The following TCFL5 variants were observed in gnomAD, a reference collection of about 807,000 sequenced individuals.
The protein encoded by TCFL5 is transcription factor-like 5 protein.
TCFL5 carries 9 observed loss-of-function variants against 44.3 expected under a neutral mutation model. The observed-to-expected ratio is 0.20, with a 90% CI of 0.12 to 0.35. TCFL5 has a LOEUF of 0.35. TCFL5 is among the 10% of genes least tolerant of loss of function. The probability of loss-of-function intolerance (pLI) is 1.00; values close to 1 mark genes in which losing one functional copy is unlikely to be tolerated. For synonymous variants in TCFL5, 319 were observed against 271.6 expected (o/e 1.17, Z -1.72); for missense variants, 603 against 613.4 (o/e 0.98, Z 0.18).
chr20:62,861,274 G>A lies in TCFL5; in HGVS notation c.397C>T (p.Leu133=). ...HIDFQELRMM[L]LSEAGAAEKT... is the part of the protein sequence containing the mutation. The stretch of plus-strand genomic sequence containing the variant: ...TCCGCCGCGCCCGCCTCGCTTAGCA[G>A]CATCATGCGCAGCTCCTGGAAGTCG... The change falls in exon 1 of 6, where the codon CTG becomes TTG. Residue 133 remains leucine (L), a synonymous_variant. Coordinates refer to ENST00000335351, the MANE Select transcript of TCFL5 (RefSeq NM_006602.4). This position sits in a 1 kb window ranked among gnomAD's most constrained non-coding sequence, Gnocchi z 4.0. 3 of 1,216,102 alleles carry A rather than the reference G, an allele frequency of 2.5e-6. No individual in the cohort carries two copies. The highest frequency in any genetic ancestry group is 3.1e-6 in the Non-Finnish European group (3 of 958,686). The allele number at this position is 1,216,102 out of a possible 1,614,324, so 75.3% of individuals were successfully genotyped here.
At chr20:62,854,957 C>T (rs2063865283) in intron 4 of TCFL5, among the ~76,000 whole-genome samples, 1 of 152,168 alleles carries the variant, frequency 6.6e-6, no homozygotes, top group African/African-American at 2.4e-5. Flanking sequence ...TGAACTCTAA[C>T]CACAAGTCTA....
At chr20:62,845,016 C>T (rs1051100643) in intron 5 of TCFL5, 33 of 986,040 alleles carry the variant, frequency 3.3e-5, no homozygotes, top group Non-Finnish European at 3.6e-5. Context: ...TGGAACATTC[C>T]ACCCATCCAC....
In TCFL5 at chr20:62,841,456, G is replaced by C. The variant is rs1046784; in HGVS notation, c.*519C>G. The C allele has an allele frequency of 0.11, 17,634 of 154,692 alleles. 1,242 individuals are homozygous for C. The highest frequency in any genetic ancestry group is 0.19 in the African/African-American group (8,075 of 41,506). 9.6% of individuals were successfully genotyped at this position (154,692 alleles called of 1,614,324 possible). ...ATTTTTAGCACACAGGTTTAAAATGGTCCTGCACGTTGCAATACAGCAGCA... is the reference window on the plus strand; with the variant it reads ...ATTTTTAGCACACAGGTTTAAAATGCTCCTGCACGTTGCAATACAGCAGCA... On this transcript the variant is annotated 3_prime_UTR_variant, in exon 6 of 6. Coordinates refer to ENST00000335351, the MANE Select transcript of TCFL5 (RefSeq NM_006602.4).
intron 4 of TCFL5, among the ~76,000 whole-genome samples, chr20:62,856,994 A>G (rs754628736): frequency 6.6e-6 from 1 of 152,154 alleles, no homozygotes; most frequent in Non-Finnish European, 1.5e-5. Flanking sequence ...GTCTCTAGCG[A>G]GCTTTCCTGG....
intron 4 of TCFL5, among the ~76,000 whole-genome samples, chr20:62,857,137 C>T (rs1490788441): frequency 6.6e-6 from 1 of 152,198 alleles, no homozygotes; most frequent in African/African-American, 2.4e-5. Context: ...CTTTGCTGAT[C>T]GCACCTGGCA....
chr20:62,854,261 C>T, intron 4 of TCFL5, 104 bp from the exon 5 acceptor site: 2 of 1,432,894 alleles, frequency 1.4e-6, no homozygotes, highest in Non-Finnish European at 1.9e-6. Context: ...GCTCGTGCAT[C>T]CTGGCCACTG....
rs1459032732 is a variant in TCFL5 at position 62,857,632 on chromosome 20, G to A, written c.1001C>T (p.Ala334Val). The change falls in exon 4 of 6, where the codon GCG (alanine) becomes GTG (valine). Residue 334 changes from alanine (A) to valine (V), a missense_variant. Coordinates refer to ENST00000335351, the MANE Select transcript of TCFL5 (RefSeq NM_006602.4). ...EQVWIKVGEAALCKQALKRNR... is the reference protein window; with the variant it reads ...EQVWIKVGEAVLCKQALKRNR... ...CCTCTTCAGTGCTTGTTTGCATAGC[G>A]CTGCTTCTTTGCGAAAGAAGAAAAA... 4.3e-6 allele frequency: 7 copies of A among 1,609,210 alleles called. No individual in the cohort carries two copies. Among genetic ancestry groups the A allele is most frequent in the East Asian group, 4.5e-5 (2 of 44,836 alleles).
At chr20:62,857,959 G>A (rs1209273876) in intron 3 of TCFL5, among the ~76,000 whole-genome samples, 1 of 149,476 alleles carries the variant, frequency 6.7e-6, no homozygotes, top group Admixed American at 6.7e-5. Flanking sequence ...CAGAAAACAA[G>A]AAGTTGTTTA....
At position 62,857,566 on chromosome 20, in the gene TCFL5, C is replaced by T. The variant is rs2063914076; in HGVS notation, c.1067G>A (p.Arg356Gln). 2 of 1,614,120 alleles carry T rather than the reference C, an allele frequency of 1.2e-6. No homozygotes were observed. Among genetic ancestry groups the T allele is most frequent in the East Asian group, 2.2e-5 (1 of 44,902 alleles). Residue 356 changes from arginine to glutamine, a missense_variant, in exon 4 of 6, where the codon CGA (arginine) becomes CAA (glutamine). Around this residue, in one of 4 missense-constraint regions of TCFL5, gnomAD observed 540 missense variants for 478.7 expected, o/e 1.13. Coordinates refer to ENST00000335351, the MANE Select transcript of TCFL5 (RefSeq NM_006602.4). ...ATTCTGAATCTCTCCAAGGGCTCTT[C>T]GCTCTACATTTGTGTCCAACTGACG... ...RMRQLDTNVE[R>Q]RALGEIQNVG... is the part of the protein sequence containing the mutation.
Position 62,846,976 on chromosome 20 carries a change from G to C in TCFL5, c.1381-4879C>G, listed in dbSNP as rs142360912. Among the ~76,000 whole-genome samples the C allele has an allele frequency of 2.2e-4, 34 of 152,070 alleles. No homozygotes were observed. The East Asian group carries it at 6.4e-3, about 29-fold the overall frequency. The stretch of plus-strand genomic sequence containing the variant: ...GAGGTGGGTGGATCACCTGAGGTCG[G>C]GAGTTCACGACCAGCCTCACCAACA... On this transcript the variant is annotated intron_variant, in intron 5 of 5. Transcript: ENST00000335351.
At position 62,841,777 on chromosome 20, in the gene TCFL5, G is replaced by GA. The variant is rs1228810786; in HGVS notation, c.*197dup. The stretch of plus-strand genomic sequence containing the variant: ...GCTTCATCCCCAAATGGTCTAAGAG[G>GA]ACATTCATGGATAAGCATTTGCGTC... On this transcript the variant is annotated 3_prime_UTR_variant, in exon 6 of 6. Transcript: ENST00000335351. 3 of 500,640 alleles carry GA rather than the reference G, an allele frequency of 6.0e-6. No homozygotes were observed. Among genetic ancestry groups the GA allele is most frequent in the African/African-American group, 5.9e-5 (3 of 50,910 alleles). 31.0% of individuals were successfully genotyped at this position (500,640 alleles called of 1,614,324 possible). A position where few individuals can be genotyped will look rare whatever the true frequency, so the allele number is the denominator to read the frequency against.
chr20:62,851,559 G>C, intron 5 of TCFL5: 4 of 985,268 alleles, frequency 4.1e-6, no homozygotes, highest in Non-Finnish European at 4.8e-6. Flanking sequence ...TAATCTTCAA[G>C]AGTAACTGCA....
At chr20:62,859,213 G>T in intron 3 of TCFL5, 151 bp downstream of exon 3, 1 of 646,130 alleles carries the variant, frequency 1.5e-6, no homozygotes, top group African/African-American at 1.8e-5. Context: ...AGGGAAGCGG[G>T]TGGACAGACC....
rs867910244 is a variant in TCFL5, at chr20:62,844,575, G to T, written c.1381-2478C>A. Among the ~76,000 whole-genome samples the T allele has an allele frequency of 2.6e-3, 343 of 130,260 alleles. 1 individual carries two copies. The highest frequency in any genetic ancestry group is 6.6e-3 in the African/African-American group (170 of 25,568). 85.5% of individuals were successfully genotyped at this position (130,260 alleles called of 152,430 possible). A position where few individuals can be genotyped will look rare whatever the true frequency, so the allele number is the denominator to read the frequency against. ...ATTTTTTTTCTGTTTTTTTTTGTTT[G>T]TTTTTTGTTTTTTTTTTTTTGAGAC... On this transcript the variant is annotated intron_variant, in intron 5 of 5. Coordinates refer to ENST00000335351, the MANE Select transcript of TCFL5 (RefSeq NM_006602.4).
intron 2 of TCFL5, 101 bp downstream of exon 2, chr20:62,860,024 C>T: frequency 8.3e-7 from 1 of 1,205,970 alleles, no homozygotes; most frequent in Admixed American, 2.2e-5. Flanking sequence ...GGTTATTAAG[C>T]TCACTGAAGG....
chr20:62,845,832 GTGATTTA>G (rs760624639), intron 5 of TCFL5: 3 of 1,596,406 alleles, frequency 1.9e-6, no homozygotes, highest in Non-Finnish European at 2.6e-6. Flanking sequence ...CATTATAAAA[GTGATTTA>G]TGACAAAGAT....
At chr20:62,859,773 T>C (rs2063960612) in intron 2 of TCFL5, among the ~76,000 whole-genome samples, 1 of 150,944 alleles carries the variant, frequency 6.6e-6, no homozygotes, top group South Asian at 2.1e-4. Context: ...CAGACTGGAG[T>C]GCAGGGTCGC....
chr20:62,848,157 G>A (rs1017264894), intron 5 of TCFL5, among the ~76,000 whole-genome samples: 27 of 152,318 alleles, frequency 1.8e-4, no homozygotes, highest in Admixed American at 6.5e-4. Context: ...GAGGGACAGC[G>A]ACACCGGGGC....
At chr20:62,845,366 G>C in intron 5 of TCFL5, 1 of 1,143,890 alleles carries the variant, frequency 8.7e-7, no homozygotes, top group Non-Finnish European at 1.1e-6. Context: ...CAGGTAATCT[G>C]CCCACCTCAG....
Sources: gnomAD v4.1 joint callset for allele counts (sites outside exome capture counted in the v4.1 genomes callset) on GRCh38, gnomAD v4.1.1 for gene constraint, gnomAD v4.1.1 regional missense constraint, Gnocchi (gnomAD v3.1) non-coding constraint, MANE v1.5 for transcripts, NCBI Gene and HGNC (gene_info 2026-07-23, HGNC 2026-07-21) for gene names.